Variants in R3HDM1 observed in about 807,000 individuals in gnomAD.
The protein encoded by R3HDM1 is R3H domain containing 1.
Under a neutral mutation model 141.1 loss-of-function variants are expected in R3HDM1, and 46 were observed. The observed-to-expected ratio is 0.33, with a 90% CI of 0.26 to 0.42. R3HDM1 has a LOEUF of 0.42. R3HDM1 is among the 10% of genes least tolerant of loss of function. The probability of loss-of-function intolerance (pLI) is 1.00; values close to 1 mark genes in which losing one functional copy is unlikely to be tolerated. For missense variants in R3HDM1, 1,184 were observed against 1,368.3 expected (o/e 0.87, Z 2.12); for synonymous variants, 435 against 472.9 (o/e 0.92, Z 1.04).
intron 1 of R3HDM1, among the ~76,000 whole-genome samples, chr2:135,555,320 T>C (rs894924122): frequency 1.4e-5 from 2 of 141,254 alleles, no homozygotes; most frequent in South Asian, 4.4e-4. Context: ...AAAAGTAAAA[T>C]AGATGTCATC....
intron 19 of R3HDM1, chr2:135,667,258 G>A: frequency 4.3e-6 from 4 of 934,706 alleles, no homozygotes; most frequent in Non-Finnish European, 5.1e-6. Context: ...CTCCAGGGAA[G>A]TTCCTGAACC....
At chr2:135,542,103 C>T (rs950128675) in intron 1 of R3HDM1, among the ~76,000 whole-genome samples, 1 of 152,062 alleles carries the variant, frequency 6.6e-6, no homozygotes, top group Admixed American at 6.6e-5. Context: ...TTGCATAAAA[C>T]AAAGTTTTGA....
intron 21 of R3HDM1, among the ~76,000 whole-genome samples, chr2:135,680,846 G>A (rs1226036834): frequency 1.3e-5 from 2 of 152,218 alleles, no homozygotes; most frequent in Non-Finnish European, 2.9e-5. Context: ...CTAAAGGCAA[G>A]TCAGATCTCT....
At chr2:135,593,492 A>T (rs1574155735) in intron 1 of R3HDM1, among the ~76,000 whole-genome samples, 2 of 152,140 alleles carry the variant, frequency 1.3e-5, no homozygotes, top group Non-Finnish European at 2.9e-5. Context: ...ACCCCTTTAG[A>T]ATCTCACCAG....
At chr2:135,622,096 A>G (rs2061563937) in intron 6 of R3HDM1, 1 of 982,370 alleles carries the variant, frequency 1.0e-6, no homozygotes, top group Middle Eastern at 5.2e-4. Context: ...GTTGACCAGT[A>G]TTATAAATAG....
At chr2:135,655,517 T>C (rs894001358) in intron 18 of R3HDM1, among the ~76,000 whole-genome samples, 1 of 151,960 alleles carries the variant, frequency 6.6e-6, no homozygotes, top group Non-Finnish European at 1.5e-5. Context: ...GTTGTTGTTG[T>C]TGTTTTTGAG....
At chr2:135,666,417 G>A (rs1376539991) in intron 19 of R3HDM1, among the ~76,000 whole-genome samples, 2 of 152,028 alleles carry the variant, frequency 1.3e-5, no homozygotes, top group Non-Finnish European at 2.9e-5. Context: ...TTTTTTCATT[G>A]ATTTCTGTGA....
intron 20 of R3HDM1, among the ~76,000 whole-genome samples, chr2:135,679,685 C>G (rs1468873276): frequency 5.9e-5 from 9 of 152,172 alleles, no homozygotes; most frequent in Admixed American, 5.9e-4. Flanking sequence ...CAAATGCTAG[C>G]CAGAAGCAAT....
At chr2:135,622,576 A>C (rs942569441) in intron 6 of R3HDM1, 78 bp from the exon 7 acceptor site, 1 of 1,477,286 alleles carries the variant, frequency 6.8e-7, no homozygotes, top group Non-Finnish European at 9.0e-7. Context: ...TTTAAGATAT[A>C]TATACATCAT....
chr2:135,685,368 A>G (rs898398303), intron 21 of R3HDM1, among the ~76,000 whole-genome samples: 5 of 152,146 alleles, frequency 3.3e-5, no homozygotes, highest in African/African-American at 1.2e-4. Flanking sequence ...ACAAAATAGC[A>G]CACATACACA....
rs2063508973 is a variant in R3HDM1 at position 135,638,799 on chromosome 2, G to A, written c.992+10G>A. ...GGCGCCAGATATTTAGGTATTGGAA[G>A]CATGTTTTCAATACAGTATTGAAAA... On this transcript the variant is annotated intron_variant, in intron 13 of 26. Transcript: ENST00000683871. The A allele has an allele frequency of 1.2e-6, 2 of 1,613,822 alleles. No individual in the cohort carries two copies. The highest frequency in any genetic ancestry group is 1.3e-5 in the African/African-American group (1 of 75,030).
chr2:135,553,025 T>C (rs1276281968), intron 1 of R3HDM1, among the ~76,000 whole-genome samples: 8 of 152,014 alleles, frequency 5.3e-5, no homozygotes, highest in Admixed American at 5.2e-4. Context: ...ACCACAGACA[T>C]GTGCCACCGC....
intron 16 of R3HDM1, chr2:135,649,067 G>GT (rs1368885951): frequency 0.026 from 3,678 of 140,058 alleles, 187 homozygotes; most frequent in East Asian, 0.22. Flanking sequence ...ATATATTTGG[G>GT]TTTTTTTTTT....
chr2:135,674,718 A>G (rs2068887271), intron 19 of R3HDM1, among the ~76,000 whole-genome samples: 1 of 152,200 alleles, frequency 6.6e-6, no homozygotes, highest in African/African-American at 2.4e-5. Flanking sequence ...TGATTTGTCA[A>G]GTGACCTTAA....
At chr2:135,617,330 A>G (rs1432073790) in intron 5 of R3HDM1, among the ~76,000 whole-genome samples, 1 of 142,680 alleles carries the variant, frequency 7.0e-6, no homozygotes, top group Non-Finnish European at 1.5e-5. Context: ...CCATCTCAAA[A>G]AAAAATATAT....
rs59211429 is a variant in R3HDM1, at chr2:135,699,075, TTAGA to T, written c.2460-10332_2460-10329del. On this transcript the variant is annotated intron_variant, in intron 21 of 26. Coordinates refer to ENST00000683871, the MANE Select transcript of R3HDM1 (RefSeq NM_001378107.1). ...AGATAAGATAGATTGATTAGATAGA[TTAGA>T]TAGATAGATAGATAGATAGATAGAT... Among the ~76,000 whole-genome samples, 2,165 of 132,092 alleles carry T rather than the reference TTAGA, an allele frequency of 0.016. 139 individuals carry two copies. In the East Asian group the frequency reaches 0.21, roughly 13 times the overall value. The allele number at this position is 132,092 out of a possible 152,430, so 86.7% of individuals were successfully genotyped here.
chr2:135,590,558 A>G (rs983822979), intron 1 of R3HDM1: 1 of 985,232 alleles, frequency 1.0e-6, no homozygotes, highest in African/African-American at 1.7e-5. Flanking sequence ...GAAATGCATT[A>G]AACCCATTGA....
At chr2:135,583,879 C>G in intron 1 of R3HDM1, 3 of 985,364 alleles carry the variant, frequency 3.0e-6, no homozygotes, top group South Asian at 9.4e-5. Context: ...CATAGTTGCC[C>G]CAGTTCCTAT....
At chr2:135,656,308 C>T (rs1307871402) in intron 18 of R3HDM1, among the ~76,000 whole-genome samples, 1 of 152,014 alleles carries the variant, frequency 6.6e-6, no homozygotes, top group Admixed American at 6.5e-5. Context: ...GGTTCTGCCT[C>T]TTTATACAGT....
Sources: gnomAD v4.1 joint callset for allele counts (sites outside exome capture counted in the v4.1 genomes callset) on GRCh38, gnomAD v4.1.1 for gene constraint, MANE v1.5 for transcripts, NCBI Gene and HGNC (gene_info 2026-07-23, HGNC 2026-07-21) for gene names.